PANK1: variants seen among roughly 807,000 people sequenced by gnomAD.
PANK1 encodes the protein pantothenic acid kinase 1.
In PANK1, 18 loss-of-function variants were observed where a neutral mutation model predicts 40.1. That is an observed-to-expected ratio of 0.45 (90% CI 0.31 to 0.67). PANK1 has a LOEUF of 0.67. Among genes scored for constraint, PANK1 ranks in the 30% least tolerant of loss-of-function variants. The pLI is 0.06. For missense variants in PANK1, 457 were observed against 599.6 expected, an observed-to-expected ratio of 0.76 and a Z score of 2.48; for synonymous variants, 242 against 237.7, an observed-to-expected ratio of 1.02 and a Z score of -0.17.
Position 89,599,097 on chromosome 10 carries a change from T to C in PANK1, c.899+155A>G, listed in dbSNP as rs141437593. The C allele has an allele frequency of 1.2e-4, 81 of 656,346 alleles. No individual in the cohort carries two copies. The African/African-American group carries it at 1.2e-3, about 10-fold the overall frequency. The allele number at this position is 656,346 out of a possible 1,614,324, so 40.7% of individuals were successfully genotyped here. A position where few individuals can be genotyped will look rare whatever the true frequency, so the allele number is the denominator to read the frequency against. ...TTAACATTTATATAAATCACCCACA[T>C]ACCACTTTAACACACCATTTGATAA... On this transcript the variant is annotated intron_variant, in intron 3 of 6. Transcript: ENST00000307534.
chr10:89,599,802 C>T (rs142894228), intron 2 of PANK1, among the ~76,000 whole-genome samples: 33 of 152,262 alleles, frequency 2.2e-4, no homozygotes, highest in African/African-American at 7.9e-4. Flanking sequence ...GCACTATGTC[C>T]TAATTCTGAG....
At chr10:89,610,700 C>CAAA (rs1353006045) in intron 2 of PANK1, among the ~76,000 whole-genome samples, 1 of 152,178 alleles carries the variant, frequency 6.6e-6, no homozygotes, top group Non-Finnish European at 1.5e-5. Flanking sequence ...TAGTTCTGCA[C>CAAA]AAAATGGCAG....
chr10:89,641,989 T>C (rs995518219), intron 1 of PANK1, among the ~76,000 whole-genome samples: 1 of 152,132 alleles, frequency 6.6e-6, no homozygotes, highest in African/African-American at 2.4e-5. Context: ...ATCACACTGC[T>C]GCTAAGTAGC....
chr10:89,621,997 A>C (rs1441718491), intron 1 of PANK1, among the ~76,000 whole-genome samples: 1 of 152,232 alleles, frequency 6.6e-6, no homozygotes, highest in African/African-American at 2.4e-5. Context: ...TACAGGCATG[A>C]GCCGCTGCAT....
intron 1 of PANK1, among the ~76,000 whole-genome samples, chr10:89,635,143 T>TAA (rs1554843020): frequency 2.1e-4 from 31 of 151,070 alleles, no homozygotes; most frequent in African/African-American, 6.1e-4. Flanking sequence ...TATATATATA[T>TAA]AGAGAGAGAG....
chr10:89,635,183 T>C (rs1267767570), intron 1 of PANK1, among the ~76,000 whole-genome samples: 1 of 152,112 alleles, frequency 6.6e-6, no homozygotes, highest in Non-Finnish European at 1.5e-5. Context: ...TTAATATAAA[T>C]AAGACTGGTA....
chr10:89,595,816 T>TAAAAAAAA lies in PANK1; in HGVS notation c.900-1835_900-1828dup, dbSNP rs1192374008. On this transcript the variant is annotated intron_variant, in intron 3 of 6. Transcript: ENST00000307534. ...TGGGTGACAGAGCCGGACTCCATCT[T>TAAAAAAAA]AAAAAAAAAAAAAAAAAATATATAT... is the stretch of plus-strand genomic sequence containing the variant. Among the ~76,000 whole-genome samples the TAAAAAAAA allele has an allele frequency of 5.9e-4, 24 of 40,866 alleles. 1 individual carries two copies. The highest frequency in any genetic ancestry group is 2.3e-3 in the African/African-American group (20 of 8,752). The allele number at this position is 40,866 out of a possible 152,430, so 26.8% of individuals were successfully genotyped here.
chr10:89,644,071 G>A (rs1842039266), intron 1 of PANK1: 1 of 250,868 alleles, frequency 4.0e-6, no homozygotes, highest in Admixed American at 5.1e-5. Flanking sequence ...AATAGGCTGT[G>A]ATTTTGGGGG....
In PANK1 at chr10:89,644,986, G is replaced by C. The variant is rs774350926; in HGVS notation, c.-95C>G. The C allele has an allele frequency of 1.9e-6, 3 of 1,576,666 alleles. No individual in the cohort carries two copies. Among genetic ancestry groups the C allele is most frequent in the Non-Finnish European group, 2.6e-6 (3 of 1,164,556 alleles). The stretch of plus-strand genomic sequence containing the variant: ...CTTTATTTCCCCGGATCCTCCCTGC[G>C]GCTTCCGATTCAGCAGCCGCAGAGC... On this transcript the variant is annotated 5_prime_UTR_variant, in exon 1 of 7. Transcript: ENST00000307534.
At chr10:89,608,719 T>C (rs1845060125) in intron 2 of PANK1, among the ~76,000 whole-genome samples, 1 of 152,256 alleles carries the variant, frequency 6.6e-6, no homozygotes, top group Non-Finnish European at 1.5e-5. Context: ...AGTGATTTTA[T>C]ACAATAACAA....
chr10:89,630,977 G>C (rs1841624584), intron 1 of PANK1, among the ~76,000 whole-genome samples: 1 of 152,104 alleles, frequency 6.6e-6, no homozygotes. Flanking sequence ...GATTAGCCTG[G>C]GGAACACAGC....
downstream of PANK1, chr10:89,582,208 C>T (rs1055274419): frequency 1.3e-5 from 2 of 152,228 alleles, no homozygotes; most frequent in South Asian, 4.1e-4. Flanking sequence ...ACTGAAGCTG[C>T]CTCACGATAA....
At position 89,645,007 on chromosome 10, in the gene PANK1, A is replaced by AGAGCCGGCGCCTGGGGATGGCG. The variant is rs1842073489; in HGVS notation, c.-138_-117dup. 1.9e-6 allele frequency: 3 copies of AGAGCCGGCGCCTGGGGATGGCG among 1,568,046 alleles called. No homozygotes were observed. In the South Asian group the frequency reaches 3.5e-5, roughly 18 times the overall value. ...CTGCGGCTTCCGATTCAGCAGCCGC[A>AGAGCCGGCGCCTGGGGATGGCG]GAGCCGGCGCCTGGGGATGGCGAAC... On this transcript the variant is annotated 5_prime_UTR_variant, in exon 1 of 7. Coordinates refer to ENST00000307534, the MANE Select transcript of PANK1 (RefSeq NM_148977.3).
In PANK1 at chr10:89,645,105, G is replaced by T; in HGVS notation, c.-214C>A. ...CCTGCCCCCCGCGCGCCGGCCCCAC[G>T]GCGCCGGCCTGGAGCACGCCAGCCC... On this transcript the variant is annotated 5_prime_UTR_variant, in exon 1 of 7. Transcript: ENST00000307534. The T allele has an allele frequency of 6.8e-7, 1 of 1,466,666 alleles. No individual in the cohort carries two copies. The highest frequency in any genetic ancestry group is 3.0e-5 in the Admixed American group (1 of 33,718). The allele number at this position is 1,466,666 out of a possible 1,614,324, so 90.9% of individuals were successfully genotyped here. A position where few individuals can be genotyped will look rare whatever the true frequency, so the allele number is the denominator to read the frequency against.
rs749261607 is a variant in PANK1, at chr10:89,599,350, A to C, written c.801T>G (p.Leu267=). Residue 267 remains leucine, a synonymous_variant, in exon 3 of 7, where the codon CTT becomes CTG. Coordinates refer to ENST00000307534, the MANE Select transcript of PANK1 (RefSeq NM_148977.3). Reference sequence around the variant, plus strand: ...CCAGCAACATAGGGTATGGGTTATCAAGGCAGTACGGCTTTTTTTGACACA... The same window carrying C: ...CCAGCAACATAGGGTATGGGTTATCCAGGCAGTACGGCTTTTTTTGACACA... The part of the protein sequence containing the change: ...PELCQKKPYC[L]DNPYPMLLVN... The C allele has an allele frequency of 5.6e-6, 9 of 1,613,802 alleles. No homozygotes were observed. Among genetic ancestry groups the C allele is most frequent in the African/African-American group, 2.7e-5 (2 of 74,922 alleles).
At chr10:89,599,585 GA>G (rs1457626275) in intron 2 of PANK1, 80 bp from the exon 3 acceptor site, 2 of 1,346,480 alleles carry the variant, frequency 1.5e-6, no homozygotes, top group Admixed American at 4.4e-5. Context: ...TTTTATTTAA[GA>G]TGGGGTCATT....
intron 1 of PANK1, chr10:89,625,808 T>A (rs1845644714): frequency 6.6e-6 from 1 of 151,894 alleles, no homozygotes; most frequent in Non-Finnish European, 1.5e-5. Context: ...ATGAAGTGTA[T>A]TCTTAGCTTG....
At chr10:89,603,506 T>C (rs1326447498) in intron 2 of PANK1, among the ~76,000 whole-genome samples, 1 of 152,190 alleles carries the variant, frequency 6.6e-6, no homozygotes, top group Non-Finnish European at 1.5e-5. Flanking sequence ...TGTGGGACTT[T>C]AAGCAAGGAA....
In PANK1 at chr10:89,645,072, C is replaced by G; in HGVS notation, c.-181G>C. On this transcript the variant is annotated 5_prime_UTR_variant, in exon 1 of 7. Transcript: ENST00000307534. ...CTCCTCCTGCCGACTCCCCCACCTC[C>G]TCTGCGCCCTGCCCCCCGCGCGCCG... 7 of 1,544,648 alleles carry G rather than the reference C, an allele frequency of 4.5e-6. No individual in the cohort carries two copies. The highest frequency in any genetic ancestry group is 6.1e-6 in the Non-Finnish European group (7 of 1,151,890).
Sources: allele counts gnomAD v4.1 joint callset (sites outside exome capture counted in the v4.1 genomes callset), GRCh38; gene constraint gnomAD v4.1.1; transcripts MANE v1.5; gene names NCBI Gene and HGNC (gene_info 2026-07-23, HGNC 2026-07-21).